The following GAS2 variants were observed in gnomAD, a reference collection of about 807,000 sequenced individuals.
GAS2 encodes growth arrest-specific protein 2.
Under a neutral mutation model 37.5 loss-of-function variants are expected in GAS2, and 20 were observed. The observed-to-expected ratio is 0.53, with a 90% CI of 0.37 to 0.77. The LOEUF (loss-of-function observed/expected upper bound fraction) is 0.77, where lower values mean the gene tolerates loss of function less well. GAS2 is among the 30% of genes least tolerant of loss of function. The probability of loss-of-function intolerance (pLI) is 0.00; values close to 1 mark genes in which losing one functional copy is unlikely to be tolerated. For synonymous variants in GAS2, 144 were observed against 132.2 expected, an observed-to-expected ratio of 1.09 and a Z score of -0.61; for missense variants, 336 against 373.4, an observed-to-expected ratio of 0.90 and a Z score of 0.82.
chr11:22,679,551 A>G (rs1030072015), intron 2 of GAS2, among the ~76,000 whole-genome samples: 6 of 152,068 alleles, frequency 3.9e-5, no homozygotes, highest in African/African-American at 1.4e-4. Flanking sequence ...TACTTTTATA[A>G]TTATTGATGG....
intron 7 of GAS2, among the ~76,000 whole-genome samples, chr11:22,809,951 A>G (rs1489700437): frequency 6.6e-6 from 1 of 152,108 alleles, no homozygotes; most frequent in African/African-American, 2.4e-5. Context: ...TTTAATGAGT[A>G]TGTTCTGATG....
At chr11:22,653,062 CT>C (rs1848813222) in intron 1 of GAS2, among the ~76,000 whole-genome samples, 10 of 129,948 alleles carry the variant, frequency 7.7e-5, no homozygotes. Flanking sequence ...TGCTTTCTTT[CT>C]TTTTTGCTTT....
intron 6 of GAS2, 88 bp downstream of exon 6, chr11:22,749,349 C>A: frequency 2.6e-6 from 3 of 1,173,554 alleles, no homozygotes; most frequent in Admixed American, 2.5e-5. Context: ...TCAGTCTAAT[C>A]TTTACCTATA....
At chr11:22,799,051 G>A (rs1317797108) in intron 7 of GAS2, among the ~76,000 whole-genome samples, 1 of 152,124 alleles carries the variant, frequency 6.6e-6, no homozygotes, top group Non-Finnish European at 1.5e-5. Flanking sequence ...AACACACAGT[G>A]AATGGAGTTG....
chr11:22,720,252 G>A (rs935564573), intron 3 of GAS2, among the ~76,000 whole-genome samples: 1 of 151,962 alleles, frequency 6.6e-6, no homozygotes, highest in Non-Finnish European at 1.5e-5. Context: ...TATATAAAGT[G>A]GAATTTATCT....
intron 3 of GAS2, among the ~76,000 whole-genome samples, chr11:22,718,013 C>G (rs1278287451): frequency 6.6e-6 from 1 of 151,874 alleles, no homozygotes; most frequent in Admixed American, 6.6e-5. Flanking sequence ...CTTTTTTTTA[C>G]TGCTGGTGGG....
At chr11:22,652,930 C>T (rs7946430) in intron 1 of GAS2, among the ~76,000 whole-genome samples, 36,255 of 150,574 alleles carry the variant, frequency 0.24, 5,667 homozygotes, top group African/African-American at 0.44. Context: ...TCCTATTCGG[C>T]CATCTTGGCT....
At chr11:22,782,766 CTTTTTTT>C (rs34122574) in intron 7 of GAS2, among the ~76,000 whole-genome samples, 20,327 of 114,054 alleles carry the variant, frequency 0.18, 1,585 homozygotes, top group East Asian at 0.21. Flanking sequence ...TGATTTTGTT[CTTTTTTT>C]TTTTTTTTTT....
chr11:22,786,381 G>A lies in GAS2; in HGVS notation c.724-25417G>A, dbSNP rs146142003. Among the ~76,000 whole-genome samples the A allele has an allele frequency of 1.7e-3, 257 of 152,208 alleles. 2 individuals carry two copies. The highest frequency in any genetic ancestry group is 5.7e-3 in the African/African-American group (235 of 41,544). ...TGAAGATTAACCAATAAGATCAGCT[G>A]CATATCTCATTACCTAACAAGTCCT... On this transcript the variant is annotated intron_variant, in intron 7 of 7. Coordinates refer to ENST00000454584, the MANE Select transcript of GAS2 (RefSeq NM_001143830.3).
chr11:22,700,300 A>T (rs1850763714), intron 3 of GAS2, among the ~76,000 whole-genome samples: 1 of 152,142 alleles, frequency 6.6e-6, no homozygotes, highest in Non-Finnish European at 1.5e-5. Context: ...GAATACTGTT[A>T]TCCGTGGGTT....
chr11:22,773,836 G>A (rs1335609177), intron 7 of GAS2, among the ~76,000 whole-genome samples: 2 of 152,046 alleles, frequency 1.3e-5, no homozygotes, highest in Non-Finnish European at 2.9e-5. Context: ...TATAAAAAAG[G>A]TGACAAACAC....
At chr11:22,713,402 G>T (rs915476280) in intron 3 of GAS2, among the ~76,000 whole-genome samples, 3 of 152,058 alleles carry the variant, frequency 2.0e-5, no homozygotes, top group African/African-American at 7.2e-5. Context: ...TCCCAAGGAT[G>T]AAGAGAAATC....
At chr11:22,714,982 A>T (rs368524886) in intron 3 of GAS2, among the ~76,000 whole-genome samples, 1 of 152,212 alleles carries the variant, frequency 6.6e-6, no homozygotes, top group Non-Finnish European at 1.5e-5. Context: ...ACCAAACTCA[A>T]ACCCAGGAGA....
chr11:22,636,118 T>C (rs1459639021), intron 1 of GAS2, among the ~76,000 whole-genome samples: 1 of 152,206 alleles, frequency 6.6e-6, no homozygotes, highest in East Asian at 1.9e-4. Flanking sequence ...GTTTGTTTTT[T>C]GTTTTTTTCA....
intron 1 of GAS2, chr11:22,667,118 G>A (rs1430384522): frequency 6.6e-6 from 1 of 152,242 alleles, no homozygotes; most frequent in East Asian, 1.9e-4. Flanking sequence ...TCACTGCAGG[G>A]GGTGACTTTC....
At chr11:22,752,987 G>A (rs1029743126) in intron 6 of GAS2, among the ~76,000 whole-genome samples, 1 of 152,066 alleles carries the variant, frequency 6.6e-6, no homozygotes, top group Non-Finnish European at 1.5e-5. Flanking sequence ...TAAAACGGTG[G>A]AGTCAGGTTT....
intron 7 of GAS2, among the ~76,000 whole-genome samples, chr11:22,796,187 G>A (rs907086967): frequency 9.2e-5 from 14 of 152,244 alleles, no homozygotes; most frequent in South Asian, 4.1e-4. Flanking sequence ...CTGGGGTGGG[G>A]ACATAGTAAT....
intron 3 of GAS2, among the ~76,000 whole-genome samples, chr11:22,701,444 T>C (rs1291734766): frequency 6.6e-6 from 1 of 152,156 alleles, no homozygotes; most frequent in Non-Finnish European, 1.5e-5. Context: ...TAAATGAAGA[T>C]AGAATACTCT....
chr11:22,683,215 G>C (rs897815518), intron 2 of GAS2, among the ~76,000 whole-genome samples: 1 of 152,040 alleles, frequency 6.6e-6, no homozygotes, highest in African/African-American at 2.4e-5. Flanking sequence ...AAATATATTA[G>C]ATATTCTGAG....
Sources: allele counts gnomAD v4.1 joint callset (sites outside exome capture counted in the v4.1 genomes callset), GRCh38; gene constraint gnomAD v4.1.1; transcripts MANE v1.5; gene names NCBI Gene and HGNC (gene_info 2026-07-23, HGNC 2026-07-21).